Variants in GRM5 observed in about 807,000 individuals in gnomAD.
The protein encoded by GRM5 is glutamate metabotropic receptor 5.
Under a neutral mutation model 83.1 loss-of-function variants are expected in GRM5, and 19 were observed. The observed-to-expected ratio is 0.23, with a 90% CI of 0.16 to 0.34. The LOEUF (loss-of-function observed/expected upper bound fraction) is 0.34, where lower values mean the gene tolerates loss of function less well. GRM5 is among the 10% of genes least tolerant of loss of function. GRM5 has a pLI of 1.00. For synonymous variants in GRM5, 675 were observed against 633.6 expected (o/e 1.07, Z -0.98); for missense variants, 1,160 against 1,588.3 (o/e 0.73, Z 4.58).
At chr11:88,518,780 TTTCTTTA>T (rs1251944795) in intron 9 of GRM5, among the ~76,000 whole-genome samples, 2 of 151,726 alleles carry the variant, frequency 1.3e-5, no homozygotes, top group African/African-American at 4.8e-5. Flanking sequence ...GCGAGTTTTA[TTTCTTTA>T]TTAAGATTGT....
At chr11:89,005,678 G>T (rs1940503912) in intron 2 of GRM5, among the ~76,000 whole-genome samples, 1 of 152,136 alleles carries the variant, frequency 6.6e-6, no homozygotes, top group Admixed American at 6.5e-5. Flanking sequence ...TTATATCTGT[G>T]CCTGGCATTT....
rs894447292 is a variant in GRM5, at chr11:88,549,966, C to T, written c.2630+17087G>A. On this transcript the variant is annotated intron_variant, in intron 8 of 9. Transcript: ENST00000305447. The stretch of plus-strand genomic sequence containing the variant: ...GACAATAGGTTATGAAGACCTCATC[C>T]ATGAAGATATCAGTGAAAATGCAAA... Among the ~76,000 whole-genome samples, 14 of 152,134 alleles carry T rather than the reference C, an allele frequency of 9.2e-5. No individual in the cohort carries two copies. The South Asian group carries it at 2.9e-3, about 32-fold the overall frequency.
intron 9 of GRM5, among the ~76,000 whole-genome samples, chr11:88,513,597 C>G (rs937694455): frequency 1.3e-5 from 2 of 152,028 alleles, no homozygotes; most frequent in Non-Finnish European, 2.9e-5. Context: ...TCATATCTGT[C>G]TTAGTAAAAT....
chr11:88,745,813 TCA>T (rs1300245398), intron 3 of GRM5, among the ~76,000 whole-genome samples: 1 of 152,154 alleles, frequency 6.6e-6, no homozygotes, highest in Non-Finnish European at 1.5e-5. Flanking sequence ...CCAATCCACC[TCA>T]GCGTTTTTAT....
intron 3 of GRM5, among the ~76,000 whole-genome samples, chr11:88,719,694 G>A (rs145304762): frequency 6.6e-6 from 1 of 151,906 alleles, no homozygotes; most frequent in African/African-American, 2.4e-5. Flanking sequence ...AGTGTATAAG[G>A]GTTCCCTTTT....
chr11:88,747,379 G>A (rs1398785581), intron 3 of GRM5, among the ~76,000 whole-genome samples: 2 of 152,146 alleles, frequency 1.3e-5, no homozygotes, highest in African/African-American at 2.4e-5. Context: ...GATATAGAAC[G>A]AAGATAAATG....
chr11:88,956,535 G>A (rs1938619762), intron 2 of GRM5, among the ~76,000 whole-genome samples: 1 of 152,200 alleles, frequency 6.6e-6, no homozygotes, highest in Admixed American at 6.5e-5. Context: ...GGGCGGGCGC[G>A]GTGGCTCACG....
chr11:89,040,359 C>G (rs1041465569), intron 2 of GRM5, among the ~76,000 whole-genome samples: 2 of 151,430 alleles, frequency 1.3e-5, no homozygotes, highest in African/African-American at 2.4e-5. Context: ...AAAACAAAAA[C>G]AAAACAAAAC....
chr11:88,980,605 C>T (rs1939489819), intron 2 of GRM5, among the ~76,000 whole-genome samples: 1 of 151,966 alleles, frequency 6.6e-6, no homozygotes, highest in African/African-American at 2.4e-5. Context: ...GGTGGATCAC[C>T]AGGTCAGGAG....
chr11:88,892,685 A>C (rs1945165836), intron 2 of GRM5, among the ~76,000 whole-genome samples: 1 of 152,056 alleles, frequency 6.6e-6, no homozygotes, highest in South Asian at 2.1e-4. Flanking sequence ...ATTAAATCCT[A>C]GTCACAATAA....
chr11:88,925,869 A>G (rs1565295134), intron 2 of GRM5: 1 of 389,264 alleles, frequency 2.6e-6, no homozygotes, highest in African/African-American at 2.1e-5. Flanking sequence ...AGATTGTGCC[A>G]CTGCACGCTA....
At chr11:88,753,273 T>G (rs1236358496) in intron 3 of GRM5, among the ~76,000 whole-genome samples, 1 of 151,976 alleles carries the variant, frequency 6.6e-6, no homozygotes, top group South Asian at 2.1e-4. Flanking sequence ...AACAACCCCA[T>G]CAAAAACTGG....
In GRM5 at chr11:88,647,403, C is replaced by T. The variant is rs983633946; in HGVS notation, c.1147+5765G>A. Among the ~76,000 whole-genome samples, 9 of 152,016 alleles carry T rather than the reference C, an allele frequency of 5.9e-5. No homozygotes were observed. In the South Asian group the frequency reaches 6.2e-4, roughly 11 times the overall value. ...GTAATCCTTTTGGTTATTAAGATGA[C>T]GCTTTATAAATTCCAGGAGCCCCAA... On this transcript the variant is annotated intron_variant, in intron 4 of 9. Transcript: ENST00000305447.
intron 4 of GRM5, among the ~76,000 whole-genome samples, chr11:88,607,120 G>C (rs10128656): frequency 0.28 from 42,685 of 151,772 alleles, 6,384 homozygotes; most frequent in African/African-American, 0.4. Context: ...GTAGTGCATT[G>C]TGACATAATA....
intron 8 of GRM5, among the ~76,000 whole-genome samples, chr11:88,552,421 C>T (rs1426564062): frequency 6.6e-6 from 1 of 152,174 alleles, no homozygotes; most frequent in East Asian, 1.9e-4. Context: ...GAATCTTCTT[C>T]AGCTGGTCCA....
chr11:88,928,230 G>T (rs1047950274), intron 2 of GRM5, among the ~76,000 whole-genome samples: 13 of 152,020 alleles, frequency 8.6e-5, no homozygotes, highest in African/African-American at 3.1e-4. Flanking sequence ...TAGGAATTCT[G>T]GGTTTTAATT....
chr11:88,557,677 T>G (rs371663170), intron 8 of GRM5, among the ~76,000 whole-genome samples: 1 of 152,256 alleles, frequency 6.6e-6, no homozygotes. Flanking sequence ...CCATGTTGTT[T>G]CATACTTCTG....
chr11:89,039,042 G>A (rs1941462733), intron 2 of GRM5, among the ~76,000 whole-genome samples: 1 of 152,068 alleles, frequency 6.6e-6, no homozygotes, highest in Non-Finnish European at 1.5e-5. Flanking sequence ...AAGGCAGGCA[G>A]ATCATGAGGT....
chr11:89,061,813 A>G (rs1446004699), intron 1 of GRM5, among the ~76,000 whole-genome samples: 1 of 152,242 alleles, frequency 6.6e-6, no homozygotes, highest in Non-Finnish European at 1.5e-5. Context: ...TGAACATTGA[A>G]GAGTTTGGGC....
Sources: allele counts gnomAD v4.1 joint callset (sites outside exome capture counted in the v4.1 genomes callset), GRCh38; gene constraint gnomAD v4.1.1; transcripts MANE v1.5; gene names NCBI Gene and HGNC (gene_info 2026-07-23, HGNC 2026-07-21).